KLF15: variants seen among roughly 807,000 people sequenced by gnomAD.
KLF15 encodes KLF transcription factor 15.
Under a neutral mutation model 24.6 loss-of-function variants are expected in KLF15, and 4 were observed. That is an observed-to-expected ratio of 0.16 (90% confidence interval 0.08 to 0.37). The LOEUF is 0.37. Among genes scored for constraint, KLF15 ranks in the 10% least tolerant of loss-of-function variants. The pLI, the probability that KLF15 is intolerant of heterozygous loss-of-function variation, is 1.00. For missense variants in KLF15, 496 were observed against 560.6 expected (o/e 0.88, Z 1.16); for synonymous variants, 246 against 236.3 (o/e 1.04, Z -0.37).
chr3:126,322,656 A>G, the KLF15 span, among the ~76,000 whole-genome samples: 292 of 152,308 alleles, frequency 1.9e-3, 1 homozygote, highest in African/African-American at 6.4e-3. Context: ...GAGCCACTCA[A>G]TTGTGAAGGT....
chr3:126,310,552 C>T, the KLF15 span, among the ~76,000 whole-genome samples: 1 of 152,148 alleles, frequency 6.6e-6, no homozygotes, highest in East Asian at 1.9e-4. Flanking sequence ...TGGGTGTAAA[C>T]AACAGACGCT....
the KLF15 span, among the ~76,000 whole-genome samples, chr3:126,318,950 G>C: frequency 6.6e-6 from 1 of 152,120 alleles, no homozygotes; most frequent in East Asian, 1.9e-4. Flanking sequence ...TCTGTGTTCT[G>C]CCTGTTCATC....
At chr3:126,300,169 C>T in the KLF15 span, among the ~76,000 whole-genome samples, 1 of 152,086 alleles carries the variant, frequency 6.6e-6, no homozygotes, top group Non-Finnish European at 1.5e-5. Flanking sequence ...TTGTCCCCAC[C>T]CTGGCCAGGG....
At chr3:126,321,779 A>T in the KLF15 span, among the ~76,000 whole-genome samples, 7 of 152,056 alleles carry the variant, frequency 4.6e-5, no homozygotes, top group Admixed American at 4.6e-4. Context: ...TGGGTGGGCA[A>T]TTGTGGGTCG....
At chr3:126,312,777 T>TCGATCAAG in the KLF15 span, among the ~76,000 whole-genome samples, 2 of 152,218 alleles carry the variant, frequency 1.3e-5, no homozygotes, top group South Asian at 4.1e-4. Context: ...CTGCAAGTCC[T>TCGATCAAG]CGATCAAGGT....
At chr3:126,292,655 T>C in the KLF15 span, among the ~76,000 whole-genome samples, 1 of 151,418 alleles carries the variant, frequency 6.6e-6, no homozygotes, top group Admixed American at 6.6e-5. Flanking sequence ...GAGGATGAGA[T>C]GAGAAGGGAG....
the KLF15 span, among the ~76,000 whole-genome samples, chr3:126,295,905 T>G: frequency 6.6e-6 from 1 of 152,124 alleles, no homozygotes; most frequent in African/African-American, 2.4e-5. Flanking sequence ...ACCCTGATGC[T>G]TCTTCTTAGT....
the KLF15 span, among the ~76,000 whole-genome samples, chr3:126,336,346 T>C: frequency 3.2e-3 from 311 of 96,154 alleles, no homozygotes; most frequent in African/African-American, 0.013. Context: ...ATTTAATAAA[T>C]GGTGCTGGGA....
At chr3:126,302,049 A>G in the KLF15 span, among the ~76,000 whole-genome samples, 8 of 152,196 alleles carry the variant, frequency 5.3e-5, no homozygotes, top group African/African-American at 4.8e-5. Flanking sequence ...TACTGCTTTA[A>G]TAACATCTGC....
the KLF15 span, among the ~76,000 whole-genome samples, chr3:126,316,041 C>A: frequency 2.0e-5 from 3 of 152,218 alleles, no homozygotes; most frequent in African/African-American, 7.2e-5. Context: ...TCTGTGCAAG[C>A]TGGGAACTGT....
chr3:126,335,979 C>G, the KLF15 span, among the ~76,000 whole-genome samples: 1 of 148,074 alleles, frequency 6.8e-6, no homozygotes, highest in Non-Finnish European at 1.5e-5. Context: ...GAATCAATAT[C>G]GTGAAAATGG....
chr3:126,308,295 G>A, the KLF15 span, among the ~76,000 whole-genome samples: 116 of 152,312 alleles, frequency 7.6e-4, no homozygotes, highest in African/African-American at 2.2e-3. Flanking sequence ...GAAAGCTGGC[G>A]GCCTTGCAGA....
downstream of KLF15, among the ~76,000 whole-genome samples, chr3:126,341,189 G>T (rs141843040): frequency 6.6e-6 from 1 of 152,140 alleles, no homozygotes; most frequent in South Asian, 2.1e-4. Context: ...ATGTGTGCAC[G>T]TACACACAAT....
At chr3:126,354,448 C>T (rs1396025274) in intron 1 of KLF15, among the ~76,000 whole-genome samples, 1 of 152,166 alleles carries the variant, frequency 6.6e-6, no homozygotes, top group Admixed American at 6.5e-5. Context: ...GTCCTTGCTC[C>T]CCTTCCCAAA....
the KLF15 span, among the ~76,000 whole-genome samples, chr3:126,309,968 A>G: frequency 3.3e-5 from 5 of 152,244 alleles, no homozygotes; most frequent in East Asian, 9.6e-4. Flanking sequence ...CAAAAATGGA[A>G]CACCAAAGAC....
At chr3:126,341,356 C>A (rs1314880818), downstream of KLF15, among the ~76,000 whole-genome samples, 1 of 152,190 alleles carries the variant, frequency 6.6e-6, no homozygotes, top group Non-Finnish European at 1.5e-5. Flanking sequence ...TGCATATGCT[C>A]CCGAGGTTAT....
At chr3:126,308,404 A>T in the KLF15 span, among the ~76,000 whole-genome samples, 2 of 151,700 alleles carry the variant, frequency 1.3e-5, no homozygotes, top group Non-Finnish European at 2.9e-5. Context: ...CTCTTCAGCC[A>T]AGGAAATCCC....
chr3:126,331,415 C>T, the KLF15 span, among the ~76,000 whole-genome samples: 1 of 152,196 alleles, frequency 6.6e-6, no homozygotes, highest in African/African-American at 2.4e-5. Context: ...GTCTTGAACA[C>T]ATCAGCTTTC....
chr3:126,293,193 T>C, the KLF15 span, among the ~76,000 whole-genome samples: 4 of 149,508 alleles, frequency 2.7e-5, no homozygotes, highest in Non-Finnish European at 5.9e-5. Flanking sequence ...TGCACACTTG[T>C]AGTCTCAGCT....
Sources: allele counts gnomAD v4.1 joint callset (sites outside exome capture counted in the v4.1 genomes callset), GRCh38; gene constraint gnomAD v4.1.1; transcripts MANE v1.5; gene names NCBI Gene and HGNC (gene_info 2026-07-23, HGNC 2026-07-21).